The following PDE11A variants were observed in gnomAD, a reference collection of about 807,000 sequenced individuals.
PDE11A encodes phosphodiesterase 11A.
PDE11A carries 100 observed loss-of-function variants against 100.5 expected under a neutral mutation model. The ratio of observed to expected loss-of-function variants is 1.00; its 90% CI spans 0.85 to 1.18. The LOEUF (loss-of-function observed/expected upper bound fraction) is 1.18. Ranked by LOEUF, PDE11A falls within the 50% of genes most tolerant of loss-of-function variation. The pLI is 0.00. For missense variants in PDE11A, 1,141 were observed against 1,152.6 expected (o/e 0.99, Z 0.15); for synonymous variants, 381 against 420.8 (o/e 0.91, Z 1.16).
At chr2:177,943,252 G>T (rs2085365874) in intron 2 of PDE11A, among the ~76,000 whole-genome samples, 1 of 152,116 alleles carries the variant, frequency 6.6e-6, no homozygotes, top group South Asian at 2.1e-4. Flanking sequence ...TGAGATTGCT[G>T]GATTATACGG....
At chr2:177,769,029 A>C (rs1447976587) in intron 10 of PDE11A, among the ~76,000 whole-genome samples, 1 of 152,204 alleles carries the variant, frequency 6.6e-6, no homozygotes, top group Non-Finnish European at 1.5e-5. Flanking sequence ...ACTGATGCCA[A>C]AACCGGGTGT....
chr2:177,992,741 A>T (rs1373851359), intron 2 of PDE11A, among the ~76,000 whole-genome samples: 1 of 152,108 alleles, frequency 6.6e-6, no homozygotes, highest in Middle Eastern at 3.2e-3. Flanking sequence ...CCTCAGTTTG[A>T]CATAATAGAA....
intron 2 of PDE11A, among the ~76,000 whole-genome samples, chr2:177,944,840 G>GTCTCCCTCTCCCTCTCCA (rs2085386869): frequency 4.4e-5 from 2 of 45,228 alleles, no homozygotes; most frequent in East Asian, 2.2e-3. Flanking sequence ...CTCCCTCTCC[G>GTCTCCCTCTCCCTCTCCA]TCTCCCTCTC....
At chr2:177,738,604 C>T (rs768283259) in intron 10 of PDE11A, among the ~76,000 whole-genome samples, 8 of 152,182 alleles carry the variant, frequency 5.3e-5, no homozygotes, top group Admixed American at 3.9e-4. Flanking sequence ...CTCACATGCT[C>T]GGTTGAATCT....
At chr2:177,713,242 C>A (rs1019079466) in intron 12 of PDE11A, among the ~76,000 whole-genome samples, 4 of 152,124 alleles carry the variant, frequency 2.6e-5, no homozygotes, top group African/African-American at 9.7e-5. Flanking sequence ...CTCCTGACAT[C>A]AGGTGATCCA....
chr2:177,688,447 T>C (rs2080990207), intron 15 of PDE11A: 1 of 152,248 alleles, frequency 6.6e-6, no homozygotes, highest in Admixed American at 6.5e-5. Context: ...GTAAACAGCA[T>C]GAACATATGT....
At chr2:177,901,359 C>T (rs2084695825) in intron 3 of PDE11A, among the ~76,000 whole-genome samples, 1 of 152,152 alleles carries the variant, frequency 6.6e-6, no homozygotes, top group African/African-American at 2.4e-5. Flanking sequence ...CCCCCACCCA[C>T]CAAATTATCC....
At chr2:177,730,973 C>G (rs1369537557) in intron 10 of PDE11A, among the ~76,000 whole-genome samples, 1 of 152,162 alleles carries the variant, frequency 6.6e-6, no homozygotes, top group Non-Finnish European at 1.5e-5. Flanking sequence ...CTGACAACCA[C>G]CATTCTACTT....
At chr2:178,064,850 T>C (rs965508360) in intron 1 of PDE11A, among the ~76,000 whole-genome samples, 8 of 152,046 alleles carry the variant, frequency 5.3e-5, no homozygotes, top group African/African-American at 1.4e-4. Flanking sequence ...TCCCCTTTTT[T>C]TTTCTTCAGG....
chr2:178,071,069 T>C (rs1022131408), intron 1 of PDE11A, among the ~76,000 whole-genome samples: 4 of 152,200 alleles, frequency 2.6e-5, no homozygotes, highest in Admixed American at 2.6e-4. Flanking sequence ...CTCTTTCCAA[T>C]ATTGACTTAG....
intron 10 of PDE11A, among the ~76,000 whole-genome samples, chr2:177,745,469 C>T (rs1042407305): frequency 7.9e-5 from 12 of 152,228 alleles, no homozygotes. Context: ...GAGTCTGATT[C>T]AGTAAGTCTA....
chr2:178,067,736 C>T (rs538527441), intron 1 of PDE11A, among the ~76,000 whole-genome samples: 1 of 152,158 alleles, frequency 6.6e-6, no homozygotes, highest in African/African-American at 2.4e-5. Context: ...GTCTACTGTA[C>T]ACCCTTGGAG....
At chr2:177,917,937 T>C (rs2084978348) in intron 2 of PDE11A, among the ~76,000 whole-genome samples, 1 of 152,224 alleles carries the variant, frequency 6.6e-6, no homozygotes. Context: ...AGCATTAATA[T>C]TTAATTAATG....
chr2:177,927,962 G>C (rs1480875547), intron 2 of PDE11A, among the ~76,000 whole-genome samples: 1 of 152,066 alleles, frequency 6.6e-6, no homozygotes, highest in Non-Finnish European at 1.5e-5. Context: ...AAATTAGCCA[G>C]ATGTGGTGGT....
intron 2 of PDE11A, among the ~76,000 whole-genome samples, chr2:178,084,207 A>G (rs2087321412): frequency 6.6e-6 from 1 of 152,262 alleles, no homozygotes; most frequent in South Asian, 2.1e-4. Flanking sequence ...TTAACACTCC[A>G]AGGTAAAAAG....
At chr2:177,965,539 T>C (rs1483167300) in intron 2 of PDE11A, among the ~76,000 whole-genome samples, 3 of 152,184 alleles carry the variant, frequency 2.0e-5, no homozygotes, top group Non-Finnish European at 4.4e-5. Context: ...TTTTTATATA[T>C]GGTGAAATGA....
At chr2:177,936,836 G>T (rs548938113) in intron 2 of PDE11A, among the ~76,000 whole-genome samples, 1 of 151,940 alleles carries the variant, frequency 6.6e-6, no homozygotes, top group Non-Finnish European at 1.5e-5. Context: ...CAGGAGAATC[G>T]CTTGAACCCA....
intron 2 of PDE11A, among the ~76,000 whole-genome samples, chr2:177,924,409 C>T (rs903620748): frequency 2.0e-5 from 3 of 152,108 alleles, no homozygotes; most frequent in East Asian, 3.9e-4. Flanking sequence ...ATTTTCCTTA[C>T]GAATATCTCT....
At chr2:177,882,817 T>G (rs2084365230) in intron 4 of PDE11A, among the ~76,000 whole-genome samples, 2 of 152,194 alleles carry the variant, frequency 1.3e-5, no homozygotes, top group African/African-American at 4.8e-5. Flanking sequence ...TTCTCTCTGT[T>G]CTTTTAACTT....
Sources: allele counts gnomAD v4.1 joint callset (sites outside exome capture counted in the v4.1 genomes callset), GRCh38; gene constraint gnomAD v4.1.1; transcripts MANE v1.5; gene names NCBI Gene and HGNC (gene_info 2026-07-23, HGNC 2026-07-21).